Variants in BAZ2B observed in about 807,000 individuals in gnomAD.
The protein encoded by BAZ2B is bromodomain adjacent to zinc finger domain 2B, also known as bromodomain adjacent to zinc finger domain protein 2B.
A neutral mutation model predicts 246.0 loss-of-function variants in BAZ2B; 91 were observed. The observed-to-expected ratio is 0.37, with a 90% confidence interval of 0.31 to 0.44. BAZ2B has a LOEUF of 0.44. Among genes scored for constraint, BAZ2B ranks in the 20% least tolerant of loss-of-function variants. The probability of loss-of-function intolerance (pLI) is 1.00; values close to 1 mark genes in which losing one functional copy is unlikely to be tolerated. For missense variants in BAZ2B, 2,332 were observed against 2,533.7 expected, an observed-to-expected ratio of 0.92 and a Z score of 1.71; for synonymous variants, 855 against 860.0, an observed-to-expected ratio of 0.99 and a Z score of 0.10.
chr2:159,649,299 G>A, the BAZ2B span, among the ~76,000 whole-genome samples: 1 of 151,936 alleles, frequency 6.6e-6, no homozygotes, highest in South Asian at 2.1e-4. Context: ...CCATCTGGGG[G>A]TGATGGGAGA....
chr2:159,417,986 T>C (rs1248120773), intron 13 of BAZ2B, among the ~76,000 whole-genome samples: 1 of 152,196 alleles, frequency 6.6e-6, no homozygotes, highest in Non-Finnish European at 1.5e-5. Flanking sequence ...ACATTAGTCT[T>C]TTGGGAGAGA....
At chr2:159,569,317 T>C (rs928874884) in intron 1 of BAZ2B, among the ~76,000 whole-genome samples, 1 of 152,188 alleles carries the variant, frequency 6.6e-6, no homozygotes, top group Non-Finnish European at 1.5e-5. Flanking sequence ...GATGAAACAA[T>C]GATTGTTTGG....
the BAZ2B span, chr2:159,689,701 A>C: frequency 2.6e-6 from 1 of 388,504 alleles, no homozygotes; most frequent in Non-Finnish European, 4.8e-6. Context: ...CAAAGAAATC[A>C]TGGAGACGAT....
chr2:159,346,358 A>C (rs1442382463), intron 31 of BAZ2B, among the ~76,000 whole-genome samples: 2 of 152,240 alleles, frequency 1.3e-5, no homozygotes, highest in Non-Finnish European at 2.9e-5. Flanking sequence ...GAATAAAGCA[A>C]GGCATTTCAA....
At chr2:159,566,010 T>A (rs753126198) in intron 1 of BAZ2B, among the ~76,000 whole-genome samples, 2 of 152,062 alleles carry the variant, frequency 1.3e-5, no homozygotes, top group Non-Finnish European at 2.9e-5. Flanking sequence ...CATAAAGCAA[T>A]GTTGACTTTT....
the BAZ2B span, among the ~76,000 whole-genome samples, chr2:159,637,850 C>T: frequency 1.3e-5 from 2 of 152,356 alleles, no homozygotes; most frequent in East Asian, 1.9e-4. Flanking sequence ...GTGTGAGCCA[C>T]CACACCTGGC....
intron 6 of BAZ2B, among the ~76,000 whole-genome samples, chr2:159,442,256 C>T (rs998733768): frequency 1.2e-4 from 18 of 152,142 alleles, no homozygotes; most frequent in South Asian, 2.1e-4. Context: ...CCTTTCAAGA[C>T]GGGAAACAGC....
chr2:159,655,291 T>A, the BAZ2B span, among the ~76,000 whole-genome samples: 1 of 152,198 alleles, frequency 6.6e-6, no homozygotes, highest in Non-Finnish European at 1.5e-5. Flanking sequence ...TATTTCACCT[T>A]CATTTCTGAA....
chr2:159,655,823 C>A, the BAZ2B span, among the ~76,000 whole-genome samples: 1 of 152,136 alleles, frequency 6.6e-6, no homozygotes. Context: ...TTCTATCTAT[C>A]TATTTAGAGT....
intron 33 of BAZ2B, 152 bp from the exon 34 acceptor site, chr2:159,332,838 T>A: frequency 9.4e-6 from 8 of 851,496 alleles, no homozygotes; most frequent in Non-Finnish European, 1.4e-5. Flanking sequence ...TATGTATCTT[T>A]CGTTACACAG....
intron 27 of BAZ2B, among the ~76,000 whole-genome samples, chr2:159,355,002 T>C (rs936565330): frequency 3.3e-5 from 5 of 152,350 alleles, no homozygotes; most frequent in African/African-American, 1.2e-4. Flanking sequence ...AGAATCACTC[T>C]GACCCCTGTT....
At chr2:159,463,182 G>A (rs2076619316) in intron 3 of BAZ2B, 5 of 572,798 alleles carry the variant, frequency 8.7e-6, no homozygotes, top group East Asian at 3.6e-5. Flanking sequence ...ATTCTCCTGC[G>A]GGTGCATGAG....
rs1184699627 is a variant in BAZ2B at position 159,349,987 on chromosome 2, C to T, written c.4584G>A (p.Leu1528=). Residue 1528 remains leucine, a synonymous_variant, in exon 28 of 37, where the codon CTG becomes CTA. Coordinates refer to ENST00000392783, the MANE Select transcript of BAZ2B (RefSeq NM_013450.4). ...SNVEKADSNN[L]FNTGSSGPGK... ...CTGGACCACTTGAACCAGTATTAAA[C>T]AGATTATTAGAGTCTGCCTTTTCCA... 6.2e-7 allele frequency: 1 copy of T among 1,614,156 alleles called. No individual in the cohort carries two copies. Among genetic ancestry groups the T allele is most frequent in the East Asian group, 2.2e-5 (1 of 44,890 alleles).
chr2:159,602,420 A>T (rs1692375167), intron 1 of BAZ2B, among the ~76,000 whole-genome samples: 1 of 152,234 alleles, frequency 6.6e-6, no homozygotes, highest in Non-Finnish European at 1.5e-5. Context: ...AACAATCATT[A>T]TTAATTAAAT....
At chr2:159,540,046 T>C (rs1362713425) in intron 2 of BAZ2B, among the ~76,000 whole-genome samples, 1 of 152,198 alleles carries the variant, frequency 6.6e-6, no homozygotes, top group African/African-American at 2.4e-5. Flanking sequence ...CTCTTATCAA[T>C]AATTGAGAAT....
the BAZ2B span, among the ~76,000 whole-genome samples, chr2:159,690,500 G>C: frequency 2.0e-5 from 3 of 151,958 alleles, no homozygotes; most frequent in Non-Finnish European, 2.9e-5. Flanking sequence ...TTTTCTAACT[G>C]GTAGTTATTG....
intron 27 of BAZ2B, among the ~76,000 whole-genome samples, chr2:159,367,970 G>A (rs577795575): frequency 6.6e-6 from 1 of 152,280 alleles, no homozygotes; most frequent in East Asian, 1.9e-4. Flanking sequence ...TTTATTTACA[G>A]TAGTTTCTAC....
the BAZ2B span, among the ~76,000 whole-genome samples, chr2:159,677,850 C>T: frequency 6.6e-6 from 1 of 152,136 alleles, no homozygotes. Context: ...CTTAAAGCTG[C>T]ATCAAGTTAC....
At chr2:159,698,349 C>A in the BAZ2B span, among the ~76,000 whole-genome samples, 1 of 151,558 alleles carries the variant, frequency 6.6e-6, no homozygotes, top group Non-Finnish European at 1.5e-5. Context: ...TAGCAATACC[C>A]CAGCTCTACA....
Sources: gnomAD v4.1 joint callset for allele counts (sites outside exome capture counted in the v4.1 genomes callset) on GRCh38, gnomAD v4.1.1 for gene constraint, MANE v1.5 for transcripts, NCBI Gene and HGNC (gene_info 2026-07-23, HGNC 2026-07-21) for gene names.